The following MAD1L1 variants were observed in gnomAD, a reference collection of about 807,000 sequenced individuals.
The protein encoded by MAD1L1 is mitotic spindle assembly checkpoint protein MAD1.
Under a neutral mutation model 96.9 loss-of-function variants are expected in MAD1L1, and 95 were observed. The observed-to-expected ratio is 0.98, with a 90% CI of 0.83 to 1.16. The LOEUF (loss-of-function observed/expected upper bound fraction) is 1.16, where lower values mean the gene tolerates loss of function less well. Among genes scored for constraint, MAD1L1 ranks in the 50% most tolerant of loss-of-function variants. The probability of loss-of-function intolerance (pLI) is 0.00; values close to 1 mark genes in which losing one functional copy is unlikely to be tolerated. For synonymous variants in MAD1L1, 473 were observed against 396.6 expected (o/e 1.19, Z -2.29); for missense variants, 1,007 against 954.4 (o/e 1.06, Z -0.73).
At position 1,936,890 on chromosome 7, in the gene MAD1L1, T is replaced by C. The variant is rs761979149; in HGVS notation, c.1604A>G (p.Tyr535Cys). Residue 535 changes from tyrosine (Y) to cysteine (C), a missense_variant, in exon 17 of 19, where the codon TAT becomes TGT. Physicochemically the swap from Tyr to Cys is radical, Grantham distance 194. Coordinates refer to ENST00000265854, the MANE Select transcript of MAD1L1 (RefSeq NM_001013836.2). ...QLERRALQGD[Y>C]DQSRTKVLHM... is the part of the protein sequence containing the mutation. Reference sequence around the variant, plus strand: ...CAGCACTTTGGTCCTGCTCTGGTCATAGTCACCCTGCAGGAACACACACAG... The same window carrying C: ...CAGCACTTTGGTCCTGCTCTGGTCACAGTCACCCTGCAGGAACACACACAG... 2.9e-5 allele frequency: 46 copies of C among 1,593,792 alleles called. No homozygotes were observed. The highest frequency in any genetic ancestry group is 3.9e-5 in the Non-Finnish European group (45 of 1,168,718).
chr7:1,966,560 C>CA (rs199627043), intron 15 of MAD1L1, among the ~76,000 whole-genome samples: 765 of 9,120 alleles, frequency 0.084, 37 homozygotes, highest in African/African-American at 0.16. Context: ...CCAAACTTGG[C>CA]AAAAAAAAAA....
intron 12 of MAD1L1, among the ~76,000 whole-genome samples, chr7:2,052,776 T>C (rs998295929): frequency 6.6e-6 from 1 of 152,144 alleles, no homozygotes; most frequent in Admixed American, 6.5e-5. Flanking sequence ...GGCATGGGCA[T>C]GGCCCTGGCG....
chr7:2,073,269 G>T (rs1339849757), intron 11 of MAD1L1, among the ~76,000 whole-genome samples: 3 of 152,218 alleles, frequency 2.0e-5, no homozygotes, highest in African/African-American at 7.2e-5. Context: ...ATAGCAAAGA[G>T]TAATAATGCA....
rs534500032 is a variant in MAD1L1 at position 2,219,237 on chromosome 7, G to T, written c.596+95C>A. ...CTGTGAATTAGGACAGCATCTGGGA[G>T]TGTATCCACATCCCACCCAGCCACC... On this transcript the variant is annotated intron_variant, in intron 6 of 18. Coordinates refer to ENST00000265854, the MANE Select transcript of MAD1L1 (RefSeq NM_001013836.2). The T allele has an allele frequency of 7.0e-6, 8 of 1,148,458 alleles. No homozygotes were observed. In the African/African-American group the frequency reaches 1.1e-4, roughly 15 times the overall value. 71.1% of individuals were successfully genotyped at this position (1,148,458 alleles called of 1,614,324 possible).
At chr7:1,960,155 A>C (rs1410496055) in intron 15 of MAD1L1, among the ~76,000 whole-genome samples, 3 of 152,116 alleles carry the variant, frequency 2.0e-5, no homozygotes, top group Non-Finnish European at 2.9e-5. Flanking sequence ...CCCTACAGCA[A>C]GCCCTAAAAT....
intron 18 of MAD1L1, chr7:1,829,698 G>C (rs1782609315): frequency 7.2e-6 from 1 of 138,666 alleles, no homozygotes; most frequent in Non-Finnish European, 1.5e-5. Context: ...GATCTGAGAA[G>C]TTCAAAGAAC....
chr7:1,893,814 G>A lies in MAD1L1; in HGVS notation c.1998+4386C>T, dbSNP rs941630015. Among the ~76,000 whole-genome samples, 8 of 152,200 alleles carry A rather than the reference G, an allele frequency of 5.3e-5. No individual in the cohort carries two copies. In the East Asian group the frequency reaches 5.8e-4, roughly 11 times the overall value. The stretch of plus-strand genomic sequence containing the variant: ...TGCACACCAGGGTCAGGAGCTGCCC[G>A]GGACAAGGTGACTCCACAGTGTCTC... On this transcript the variant is annotated intron_variant, in intron 18 of 18. Transcript: ENST00000265854.
intron 14 of MAD1L1, among the ~76,000 whole-genome samples, chr7:1,988,129 C>A (rs1332570585): frequency 6.6e-6 from 1 of 152,232 alleles, no homozygotes; most frequent in Non-Finnish European, 1.5e-5. Flanking sequence ...GATGGAGCAG[C>A]GTGCGGAAGC....
At chr7:2,111,250 T>C (rs2128555975) in intron 11 of MAD1L1, among the ~76,000 whole-genome samples, 1 of 152,242 alleles carries the variant, frequency 6.6e-6, no homozygotes, top group Middle Eastern at 3.4e-3. Context: ...CTAGAGGGGC[T>C]CGGGAAGCCA....
At chr7:2,112,204 G>A (rs1414664720) in intron 11 of MAD1L1, among the ~76,000 whole-genome samples, 1 of 152,180 alleles carries the variant, frequency 6.6e-6, no homozygotes, top group Non-Finnish European at 1.5e-5. Flanking sequence ...GGGTGGCCAG[G>A]GAGGGGAGTC....
intron 11 of MAD1L1, among the ~76,000 whole-genome samples, chr7:2,070,403 C>G (rs1302890656): frequency 6.6e-6 from 1 of 152,060 alleles, no homozygotes; most frequent in African/African-American, 2.4e-5. Flanking sequence ...GCCGGGCACA[C>G]AGGTGCTCCC....
intron 11 of MAD1L1, among the ~76,000 whole-genome samples, chr7:2,145,071 A>G (rs1367763164): frequency 2.0e-5 from 3 of 152,150 alleles, no homozygotes; most frequent in Non-Finnish European, 4.4e-5. Context: ...CCTTACGGCC[A>G]GTGCCCTGTA....
intron 3 of MAD1L1, among the ~76,000 whole-genome samples, chr7:2,226,762 G>A (rs1268784714): frequency 6.6e-6 from 1 of 152,210 alleles, no homozygotes; most frequent in Non-Finnish European, 1.5e-5. Context: ...GGCCAAGGCG[G>A]GTGGATCACT....
At chr7:1,835,749 T>C (rs1405346435) in intron 18 of MAD1L1, among the ~76,000 whole-genome samples, 1 of 152,204 alleles carries the variant, frequency 6.6e-6, no homozygotes, top group Non-Finnish European at 1.5e-5. Context: ...GGCTACTCCA[T>C]AGGCAGAGCA....
intron 10 of MAD1L1, among the ~76,000 whole-genome samples, chr7:2,174,404 A>G (rs1490000408): frequency 6.6e-6 from 1 of 152,210 alleles, no homozygotes; most frequent in Non-Finnish European, 1.5e-5. Context: ...TGCCATGGCA[A>G]TGGTCTTTGA....
intron 17 of MAD1L1, among the ~76,000 whole-genome samples, chr7:1,901,112 C>T (rs185841068): frequency 0.011 from 1,712 of 152,220 alleles, 17 homozygotes; most frequent in Non-Finnish European, 0.018. Flanking sequence ...CTCCTGTCCA[C>T]GTAGGGAAGG....
At chr7:2,082,642 G>A (rs773058791) in intron 11 of MAD1L1, among the ~76,000 whole-genome samples, 12 of 152,186 alleles carry the variant, frequency 7.9e-5, no homozygotes, top group African/African-American at 7.2e-5. Context: ...CACATACCCC[G>A]TTTAACTGAG....
At chr7:2,185,857 G>A (rs773102414) in intron 10 of MAD1L1, among the ~76,000 whole-genome samples, 30 of 152,230 alleles carry the variant, frequency 2.0e-4, no homozygotes, top group Non-Finnish European at 4.0e-4. Context: ...CAGCCTACCT[G>A]TTCAGGAGGC....
At chr7:1,959,318 A>G (rs1779856060) in intron 15 of MAD1L1, among the ~76,000 whole-genome samples, 1 of 152,196 alleles carries the variant, frequency 6.6e-6, no homozygotes, top group South Asian at 2.1e-4. Flanking sequence ...AGAATCACTG[A>G]GCTGTGGGAC....
Sources: allele counts gnomAD v4.1 joint callset (sites outside exome capture counted in the v4.1 genomes callset), GRCh38; gene constraint gnomAD v4.1.1; transcripts MANE v1.5; gene names NCBI Gene and HGNC (gene_info 2026-07-23, HGNC 2026-07-21).